Variants in EVA1A observed in about 807,000 individuals in gnomAD.
EVA1A encodes eva-1 homolog A, regulator of programmed cell death.
EVA1A carries 7 observed loss-of-function variants against 9.8 expected under a neutral mutation model. The observed-to-expected ratio is 0.71, with a 90% CI of 0.41 to 1.34. The LOEUF (loss-of-function observed/expected upper bound fraction) is 1.34, where lower values mean the gene tolerates loss of function less well. Among genes scored for constraint, EVA1A ranks in the 40% most tolerant of loss-of-function variants. The pLI, the probability that EVA1A is intolerant of heterozygous loss-of-function variation, is 0.01. For missense variants in EVA1A, 206 were observed against 205.9 expected (o/e 1.00, Z 0.00); for synonymous variants, 90 against 85.6 (o/e 1.05, Z -0.28).
chr2:75,556,489 G>A (rs1378865479), intron 1 of EVA1A, among the ~76,000 whole-genome samples: 1 of 152,190 alleles, frequency 6.6e-6, no homozygotes, highest in African/African-American at 2.4e-5. Flanking sequence ...AAAAGCCTCA[G>A]TATAAATACA....
intron 3 of EVA1A, among the ~76,000 whole-genome samples, chr2:75,507,400 T>C (rs981433357): frequency 1.3e-5 from 2 of 152,168 alleles, no homozygotes; most frequent in African/African-American, 4.8e-5. Context: ...AAATTGAGTA[T>C]TCAGGCCCCA....
chr2:75,509,007 C>G (rs952138718), intron 3 of EVA1A, among the ~76,000 whole-genome samples: 11 of 152,038 alleles, frequency 7.2e-5, no homozygotes, highest in African/African-American at 2.4e-4. Context: ...AACTGATGCC[C>G]TGAGGAGGAA....
intron 3 of EVA1A, chr2:75,517,743 C>T: frequency 1.4e-6 from 1 of 714,028 alleles, no homozygotes; most frequent in Non-Finnish European, 2.6e-6. Context: ...TCCATCAGCC[C>T]CCTCCTTGGT....
At chr2:75,555,332 TCTCTCC>T (rs1396809144) in intron 1 of EVA1A, among the ~76,000 whole-genome samples, 2 of 149,196 alleles carry the variant, frequency 1.3e-5, no homozygotes, top group African/African-American at 4.9e-5. Flanking sequence ...TCTCTCTCTC[TCTCTCC>T]CCCATCTCCC....
exon 1 of EVA1A, chr2:75,569,654 A>G (rs2104014059): frequency 6.6e-6 from 1 of 152,344 alleles, no homozygotes; most frequent in Middle Eastern, 3.4e-3. Flanking sequence ...TCTCCCAACC[A>G]TTCAGTACCA....
In EVA1A at chr2:75,556,194, G is replaced by A. The variant is rs1676706507; in HGVS notation, c.-192+4486C>T. 3.3e-5 allele frequency among the ~76,000 whole-genome samples: 5 copies of A among 152,292 alleles called. No homozygotes were observed. The South Asian group carries it at 1.0e-3, about 32-fold the overall frequency. ...CCACCACTCTAGTCTGAATCCAAAT[G>A]CCCTTTACAGCACTAAACAGGGTTT... On this transcript the variant is annotated intron_variant, in intron 1 of 3. Transcript: ENST00000393913.
chr2:75,495,575 T>C (rs1316519156), intron 3 of EVA1A, among the ~76,000 whole-genome samples: 1 of 152,212 alleles, frequency 6.6e-6, no homozygotes, highest in Non-Finnish European at 1.5e-5. Flanking sequence ...AAAAACTTCA[T>C]TTTGTCTCAC....
rs572511998 is a variant in EVA1A, at chr2:75,533,311, G to A, written c.-191-10824C>T. Among the ~76,000 whole-genome samples the A allele has an allele frequency of 8.6e-4, 131 of 152,280 alleles. 1 individual carries two copies. The South Asian group carries it at 0.011, about 13-fold the overall frequency. ...TGGAAACCATGGAAGTCAAAAGGCA[G>A]TAAGTAGCACAATGTATGTTTCAGC... On this transcript the variant is annotated intron_variant, in intron 1 of 3. Transcript: ENST00000393913.
At chr2:75,556,521 G>A (rs1036766827) in intron 1 of EVA1A, among the ~76,000 whole-genome samples, 1 of 152,174 alleles carries the variant, frequency 6.6e-6, no homozygotes, top group African/African-American at 2.4e-5. Context: ...AAGATCTTGG[G>A]TCTAACTTTT....
intron 2 of EVA1A, among the ~76,000 whole-genome samples, chr2:75,519,563 G>C (rs1364138496): frequency 6.6e-6 from 1 of 152,166 alleles, no homozygotes. Context: ...GGGAGCTCCA[G>C]GGACTTTGAA....
intron 3 of EVA1A, among the ~76,000 whole-genome samples, chr2:75,498,310 T>A (rs549726288): frequency 1.7e-5 from 2 of 115,382 alleles, no homozygotes; most frequent in Admixed American, 1.3e-4. Flanking sequence ...AAGGGAACAA[T>A]AGACATTAGG....
chr2:75,561,974 T>C (rs1011938932), upstream of EVA1A, among the ~76,000 whole-genome samples: 4 of 152,120 alleles, frequency 2.6e-5, no homozygotes, highest in Non-Finnish European at 5.9e-5. Flanking sequence ...CGTGGATGAC[T>C]AGAATCCCAG....
At chr2:75,516,921 C>T (rs1177591999) in intron 3 of EVA1A, among the ~76,000 whole-genome samples, 2 of 152,094 alleles carry the variant, frequency 1.3e-5, no homozygotes, top group South Asian at 2.1e-4. Context: ...TGGGTGAGTG[C>T]CTGGAGAAGG....
intron 1 of EVA1A, among the ~76,000 whole-genome samples, chr2:75,536,108 C>T (rs180883610): frequency 5.9e-5 from 9 of 152,172 alleles, no homozygotes; most frequent in African/African-American, 1.2e-4. Flanking sequence ...ATAGCCAAGG[C>T]GGGCAGATTG....
At chr2:75,519,057 C>A (rs1054022166) in intron 2 of EVA1A, among the ~76,000 whole-genome samples, 4 of 152,302 alleles carry the variant, frequency 2.6e-5, no homozygotes, top group Admixed American at 2.6e-4. Flanking sequence ...GACTTGGGAT[C>A]TCAGTGCTCC....
At chr2:75,518,021 C>T (rs776926428) in intron 3 of EVA1A, 35 bp downstream of exon 3, 15 of 1,612,458 alleles carry the variant, frequency 9.3e-6, no homozygotes, top group Middle Eastern at 3.3e-4. Context: ...CAGCCCCAGA[C>T]CTCAGTCCTG....
chr2:75,565,844 C>G (rs147819615), upstream of EVA1A, among the ~76,000 whole-genome samples: 1 of 152,064 alleles, frequency 6.6e-6, no homozygotes, highest in Non-Finnish European at 1.5e-5. Context: ...ATCAGGAGGC[C>G]GAAAATTTTT....
At chr2:75,517,946 A>G in intron 3 of EVA1A, 110 bp downstream of exon 3, 4 of 1,265,948 alleles carry the variant, frequency 3.2e-6, no homozygotes, top group Non-Finnish European at 4.5e-6. Context: ...AGTAGCTTTG[A>G]TTACGTAGTG....
chr2:75,496,443 A>T (rs1011856641), intron 3 of EVA1A, among the ~76,000 whole-genome samples: 1 of 152,208 alleles, frequency 6.6e-6, no homozygotes, highest in Non-Finnish European at 1.5e-5. Context: ...TTGCCACAAA[A>T]ATAATAAAAT....
Sources: allele counts gnomAD v4.1 joint callset (sites outside exome capture counted in the v4.1 genomes callset), GRCh38; gene constraint gnomAD v4.1.1; transcripts MANE v1.5; gene names NCBI Gene and HGNC (gene_info 2026-07-23, HGNC 2026-07-21).